The following KCNIP4 variants were observed in gnomAD, a reference collection of about 807,000 sequenced individuals.
The protein encoded by KCNIP4 is potassium voltage-gated channel interacting protein 4.
KCNIP4 carries 12 observed loss-of-function variants against 34.0 expected under a neutral mutation model. The ratio of observed to expected loss-of-function variants is 0.35; its 90% CI spans 0.23 to 0.57. The LOEUF (loss-of-function observed/expected upper bound fraction) is 0.57, where lower values mean the gene tolerates loss of function less well. KCNIP4 is among the 20% of genes least tolerant of loss of function. The probability of loss-of-function intolerance (pLI) is 0.83; values close to 1 mark genes in which losing one functional copy is unlikely to be tolerated. For synonymous variants in KCNIP4, 124 were observed against 102.2 expected, an observed-to-expected ratio of 1.21 and a Z score of -1.29; for missense variants, 238 against 311.7, an observed-to-expected ratio of 0.76 and a Z score of 1.78.
chr4:20,891,326 G>A (rs558224130), intron 1 of KCNIP4, among the ~76,000 whole-genome samples: 1 of 152,218 alleles, frequency 6.6e-6, no homozygotes, highest in South Asian at 2.1e-4. Flanking sequence ...CAAAAATTGG[G>A]CTGAGCAAGG....
In KCNIP4 at chr4:21,941,010, TA is replaced by T. The variant is rs532499552; in HGVS notation, c.61+7560del. ...TGAATTACCATATGCAAAGCATGGATAAAAGGTATGGGCTAGGCCATTTTTT... is the reference window on the plus strand; with the variant it reads ...TGAATTACCATATGCAAAGCATGGATAAAGGTATGGGCTAGGCCATTTTTT... On this transcript the variant is annotated intron_variant, in intron 1 of 8. Coordinates refer to ENST00000382152, the MANE Select transcript of KCNIP4 (RefSeq NM_025221.6). 4.0e-3 allele frequency among the ~76,000 whole-genome samples: 606 copies of T among 152,292 alleles called. 1 individual carries two copies. The highest frequency in any genetic ancestry group is 6.7e-3 in the Non-Finnish European group (458 of 68,010).
At chr4:20,798,975 C>T (rs1337395210) in intron 3 of KCNIP4, among the ~76,000 whole-genome samples, 1 of 152,218 alleles carries the variant, frequency 6.6e-6, no homozygotes, top group African/African-American at 2.4e-5. Flanking sequence ...TACTGCACTA[C>T]ACCATTTTGG....
At chr4:20,761,800 C>A (rs903412816) in intron 3 of KCNIP4, among the ~76,000 whole-genome samples, 1 of 152,124 alleles carries the variant, frequency 6.6e-6, no homozygotes, top group African/African-American at 2.4e-5. Context: ...TCAGAGGAAA[C>A]CTTTTCTCTG....
intron 1 of KCNIP4, among the ~76,000 whole-genome samples, chr4:21,870,892 T>C (rs756189696): frequency 1.3e-5 from 2 of 152,162 alleles, no homozygotes; most frequent in Non-Finnish European, 2.9e-5. Flanking sequence ...GCAATTAACA[T>C]ACTACATGGA....
chr4:21,423,704 A>G (rs1725690596), intron 1 of KCNIP4, among the ~76,000 whole-genome samples: 1 of 152,038 alleles, frequency 6.6e-6, no homozygotes, highest in African/African-American at 2.4e-5. Flanking sequence ...TATCAGCCAT[A>G]TGTTTTCACT....
chr4:21,370,882 C>CACACAAGTGT (rs367553482), intron 1 of KCNIP4, among the ~76,000 whole-genome samples: 1 of 39,366 alleles, frequency 2.5e-5, no homozygotes, highest in South Asian at 1.2e-3. Context: ...CACACACACA[C>CACACAAGTGT]GTGTGTGTGT....
intron 1 of KCNIP4, among the ~76,000 whole-genome samples, chr4:21,931,514 C>T (rs1238083498): frequency 4.7e-5 from 7 of 148,390 alleles, no homozygotes; most frequent in Middle Eastern, 3.5e-3. Context: ...TGAGAACAGG[C>T]GGTGTTTGGT....
chr4:21,286,404 T>G (rs1763125470), intron 1 of KCNIP4, among the ~76,000 whole-genome samples: 2 of 152,184 alleles, frequency 1.3e-5, no homozygotes, highest in South Asian at 4.1e-4. Context: ...GTCACATATT[T>G]AAGCCACACA....
intron 1 of KCNIP4, among the ~76,000 whole-genome samples, chr4:21,858,589 A>G (rs963118463): frequency 3.0e-4 from 46 of 152,238 alleles, no homozygotes; most frequent in African/African-American, 1.0e-3. Flanking sequence ...GTTCACTGTA[A>G]TATTACAATA....
chr4:21,438,607 T>C (rs967705885), intron 1 of KCNIP4, among the ~76,000 whole-genome samples: 2 of 152,062 alleles, frequency 1.3e-5, no homozygotes, highest in Non-Finnish European at 2.9e-5. Context: ...TCATATGAAA[T>C]CTAGATGGTT....
intron 1 of KCNIP4, among the ~76,000 whole-genome samples, chr4:21,550,394 G>A (rs918021116): frequency 1.3e-5 from 2 of 152,024 alleles, no homozygotes; most frequent in African/African-American, 2.4e-5. Flanking sequence ...CTTTTTCACC[G>A]AAGTCCCCAT....
chr4:21,940,515 C>T (rs988125362), intron 1 of KCNIP4, among the ~76,000 whole-genome samples: 1 of 152,142 alleles, frequency 6.6e-6, no homozygotes, highest in African/African-American at 2.4e-5. Context: ...TATTCAGTTA[C>T]TAAATCTTGG....
chr4:21,336,968 G>A (rs925779020), intron 1 of KCNIP4, among the ~76,000 whole-genome samples: 1 of 152,012 alleles, frequency 6.6e-6, no homozygotes, highest in African/African-American at 2.4e-5. Context: ...AACTAGAAAG[G>A]TTTCACCAAG....
chr4:20,749,693 T>G lies in KCNIP4; in HGVS notation c.398A>C (p.Asp133Ala). The G allele has an allele frequency of 6.2e-7, 1 of 1,610,064 alleles. No homozygotes were observed. Among genetic ancestry groups the G allele is most frequent in the Non-Finnish European group, 8.5e-7 (1 of 1,177,152 alleles). Residue 133 changes from aspartate (D) to alanine (A), a missense_variant, in exon 5 of 9, where the codon GAT (aspartate) becomes GCT (alanine). Physicochemically the swap from Asp to Ala is moderately radical, Grantham distance 126. Transcript: ENST00000382152. ...TYAHFLFNAFDTDHNGAVSFE... is the reference protein window; with the variant it reads ...TYAHFLFNAFATDHNGAVSFE... ...ACTCACAGCTCCATTGTGGTCTGTA[T>G]CAAATGCATTGAACAGAAAATGTGC...
chr4:20,864,238 ATATG>A (rs71589685), intron 2 of KCNIP4, among the ~76,000 whole-genome samples: 2 of 142,790 alleles, frequency 1.4e-5, no homozygotes, highest in African/African-American at 5.3e-5. Context: ...ATATGTACAC[ATATG>A]TATGTATATA....
intron 3 of KCNIP4, among the ~76,000 whole-genome samples, chr4:20,840,048 T>C (rs1487215318): frequency 6.6e-6 from 1 of 152,200 alleles, no homozygotes; most frequent in African/African-American, 2.4e-5. Flanking sequence ...ATGTTGAACA[T>C]CTGCTTTGCT....
intron 1 of KCNIP4, among the ~76,000 whole-genome samples, chr4:21,533,281 G>A (rs1476911328): frequency 6.6e-6 from 1 of 151,902 alleles, no homozygotes; most frequent in African/African-American, 2.4e-5. Flanking sequence ...TGTATTTCAG[G>A]TATACAACAC....
At chr4:21,657,342 A>C (rs907631781) in intron 1 of KCNIP4, among the ~76,000 whole-genome samples, 1 of 152,112 alleles carries the variant, frequency 6.6e-6, no homozygotes, top group African/African-American at 2.4e-5. Flanking sequence ...GTGATTACAG[A>C]TCTATAGATC....
chr4:21,408,107 A>G (rs951235011), intron 1 of KCNIP4, among the ~76,000 whole-genome samples: 2 of 152,226 alleles, frequency 1.3e-5, no homozygotes, highest in Non-Finnish European at 2.9e-5. Context: ...GAAGACTTCC[A>G]ATATTTTTGG....
Sources: gnomAD v4.1 joint callset for allele counts (sites outside exome capture counted in the v4.1 genomes callset) on GRCh38, gnomAD v4.1.1 for gene constraint, MANE v1.5 for transcripts, NCBI Gene and HGNC (gene_info 2026-07-23, HGNC 2026-07-21) for gene names.